Variants in ADAM23 observed in about 807,000 individuals in gnomAD.
ADAM23 encodes the protein disintegrin and metalloproteinase domain-containing protein 23.
A neutral mutation model predicts 120.1 loss-of-function variants in ADAM23; 33 were observed. That is an observed-to-expected ratio of 0.27 (90% CI 0.21 to 0.37). The LOEUF (loss-of-function observed/expected upper bound fraction) is 0.37. ADAM23 is among the 10% of genes least tolerant of loss of function. The pLI, the probability that ADAM23 is intolerant of heterozygous loss-of-function variation, is 1.00. For missense variants in ADAM23, 862 were observed against 1,058.2 expected (o/e 0.81, Z 2.57); for synonymous variants, 367 against 375.2 (o/e 0.98, Z 0.25).
intron 24 of ADAM23, chr2:206,609,609 GAGA>G (rs1217312344): frequency 2.3e-5 from 7 of 302,602 alleles, no homozygotes; most frequent in East Asian, 1.0e-4. Flanking sequence ...GAGAGGGGAA[GAGA>G]AGAAGGATGT....
chr2:206,567,919 G>A (rs375220729), intron 15 of ADAM23, among the ~76,000 whole-genome samples: 2 of 152,244 alleles, frequency 1.3e-5, no homozygotes, highest in African/African-American at 2.4e-5. Flanking sequence ...GAAAGAGTGC[G>A]AGGAAGTGCC....
intron 3 of ADAM23, among the ~76,000 whole-genome samples, chr2:206,517,177 A>G (rs764112078): frequency 2.6e-5 from 4 of 152,156 alleles, no homozygotes; most frequent in Non-Finnish European, 5.9e-5. Context: ...GTCTGCTCTC[A>G]TCCTTTGTTC....
Position 206,620,741 on chromosome 2 carries a change from G to C in ADAM23, c.*3114G>C, listed in dbSNP as rs1699039494. On this transcript the variant is annotated 3_prime_UTR_variant, in exon 26 of 26. Transcript: ENST00000264377. ...CATTGAATTAGAGCTGCTCCTACTA[G>C]ATAACTGAGCAGTACACATAAGTGC... 6.6e-6 allele frequency: 1 copy of C among 152,104 alleles called. No homozygotes were observed. The highest frequency in any genetic ancestry group is 1.5e-5 in the Non-Finnish European group (1 of 68,036). The allele number at this position is 152,104 out of a possible 1,614,324, so 9.4% of individuals were successfully genotyped here.
At chr2:206,506,879 A>C (rs573984325) in intron 3 of ADAM23, among the ~76,000 whole-genome samples, 1 of 152,220 alleles carries the variant, frequency 6.6e-6, no homozygotes, top group Non-Finnish European at 1.5e-5. Flanking sequence ...TCATACTTGC[A>C]TTTTGACATG....
chr2:206,455,112 C>T (rs902096745), intron 2 of ADAM23, among the ~76,000 whole-genome samples: 1 of 152,250 alleles, frequency 6.6e-6, no homozygotes, highest in African/African-American at 2.4e-5. Flanking sequence ...GGGGCTCTGC[C>T]CCTGCAGCAG....
rs1429368899 is a variant in ADAM23, at chr2:206,594,924, G to A, written c.2247+19G>A. ...CCATGGGGTAAGTAGGTATCAATGTGACAGCTGGAACCTTCATGGTCTGGC... is the reference window on the plus strand; with the variant it reads ...CCATGGGGTAAGTAGGTATCAATGTAACAGCTGGAACCTTCATGGTCTGGC... On this transcript the variant is annotated intron_variant, in intron 23 of 25. Transcript: ENST00000264377. 3 of 1,613,516 alleles carry A rather than the reference G, an allele frequency of 1.9e-6. No homozygotes were observed. In the South Asian group the frequency reaches 3.3e-5, roughly 18 times the overall value.
chr2:206,457,222 T>C lies in ADAM23; in HGVS notation c.432+11698T>C, dbSNP rs59229017. On this transcript the variant is annotated intron_variant, in intron 2 of 25. Coordinates refer to ENST00000264377, the MANE Select transcript of ADAM23 (RefSeq NM_003812.4). ...ATGGTTTTATTGAGGCACTTTCATA[T>C]CTATAATCTCACATGGTCCTTGCAG... Among the ~76,000 whole-genome samples the C allele has an allele frequency of 5.3e-5, 8 of 152,358 alleles. No individual in the cohort carries two copies. In the East Asian group the frequency reaches 1.5e-3, roughly 29 times the overall value.
intron 23 of ADAM23, among the ~76,000 whole-genome samples, chr2:206,595,145 C>T (rs1027212520): frequency 6.6e-6 from 1 of 152,138 alleles, no homozygotes; most frequent in African/African-American, 2.4e-5. Context: ...TGAGCCACTG[C>T]ACTCCAGCCT....
chr2:206,470,270 A>G (rs1695627186), intron 2 of ADAM23, among the ~76,000 whole-genome samples: 1 of 152,124 alleles, frequency 6.6e-6, no homozygotes, highest in African/African-American at 2.4e-5. Flanking sequence ...TTATTTCTAT[A>G]TGTCTTCAAG....
At chr2:206,581,678 A>G (rs1574547338) in intron 18 of ADAM23, among the ~76,000 whole-genome samples, 1 of 152,278 alleles carries the variant, frequency 6.6e-6, no homozygotes, top group East Asian at 1.9e-4. Flanking sequence ...TGCACTGTTG[A>G]ATAGAATGTG....
At chr2:206,585,114 G>A (rs1314134479) in intron 18 of ADAM23, among the ~76,000 whole-genome samples, 2 of 152,194 alleles carry the variant, frequency 1.3e-5, no homozygotes, top group Admixed American at 1.3e-4. Flanking sequence ...CAGAGGGTCT[G>A]TAGGTCCTCT....
chr2:206,564,386 T>A (rs974778032), intron 13 of ADAM23, among the ~76,000 whole-genome samples: 1 of 152,224 alleles, frequency 6.6e-6, no homozygotes, highest in African/African-American at 2.4e-5. Context: ...TCACTAAACC[T>A]TTTAGCATAG....
chr2:206,589,536 C>T (rs1174519849), intron 21 of ADAM23, 22 bp downstream of exon 21: 3 of 1,587,362 alleles, frequency 1.9e-6, no homozygotes, highest in Non-Finnish European at 1.7e-6. Flanking sequence ...GCTCTAAGGG[C>T]ATAGTCACTG....
chr2:206,473,900 C>G (rs936765980), intron 2 of ADAM23, among the ~76,000 whole-genome samples: 1 of 150,654 alleles, frequency 6.6e-6, no homozygotes, highest in African/African-American at 2.4e-5. Context: ...GTGGTCCCAG[C>G]TATTTGGGAG....
intron 3 of ADAM23, among the ~76,000 whole-genome samples, chr2:206,491,016 A>G (rs1025257550): frequency 5.3e-5 from 8 of 152,208 alleles, no homozygotes; most frequent in African/African-American, 1.4e-4. Context: ...GACTTGCACA[A>G]TTAAACATAA....
intron 2 of ADAM23, among the ~76,000 whole-genome samples, chr2:206,452,041 T>C (rs1376131340): frequency 6.6e-6 from 1 of 152,212 alleles, no homozygotes; most frequent in African/African-American, 2.4e-5. Flanking sequence ...GGTGTGATGA[T>C]TTCTCTTGAA....
chr2:206,485,234 CT>C (rs2105881017), intron 3 of ADAM23, among the ~76,000 whole-genome samples: 1 of 152,244 alleles, frequency 6.6e-6, no homozygotes, highest in Admixed American at 6.5e-5. Context: ...TAGATTACTT[CT>C]GTCTGGGATT....
chr2:206,576,923 A>G (rs1028855422), intron 18 of ADAM23, among the ~76,000 whole-genome samples: 29 of 152,188 alleles, frequency 1.9e-4, no homozygotes, highest in African/African-American at 7.0e-4. Flanking sequence ...AGTGGGTAGT[A>G]TAACATAATT....
rs1306961354 is a variant in ADAM23, at chr2:206,530,967, G to A, written c.573+19G>A. On this transcript the variant is annotated intron_variant, in intron 4 of 25. Transcript: ENST00000264377. ...CTCTAAGGTACGGTTACCGGCGTCG[G>A]CAAGTACTCTAGTATAAGTGTGCTT... 6.2e-7 allele frequency: 1 copy of A among 1,608,808 alleles called. No homozygotes were observed. The highest frequency in any genetic ancestry group is 8.5e-7 in the Non-Finnish European group (1 of 1,175,824).
Sources: allele counts gnomAD v4.1 joint callset (sites outside exome capture counted in the v4.1 genomes callset), GRCh38; gene constraint gnomAD v4.1.1; transcripts MANE v1.5; gene names NCBI Gene and HGNC (gene_info 2026-07-23, HGNC 2026-07-21).